RALYL: variants seen among roughly 807,000 people sequenced by gnomAD.
RALYL encodes the protein RALY RNA binding protein like.
A neutral mutation model predicts 35.1 loss-of-function variants in RALYL; 29 were observed. The ratio of observed to expected loss-of-function variants is 0.83; its 90% CI spans 0.61 to 1.13. The LOEUF (loss-of-function observed/expected upper bound fraction) is 1.13. Among genes scored for constraint, RALYL ranks in the 50% most tolerant of loss-of-function variants. RALYL has a pLI of 0.00. For missense variants in RALYL, 359 were observed against 360.4 expected, an observed-to-expected ratio of 1.00 and a Z score of 0.03; for synonymous variants, 120 against 127.6, an observed-to-expected ratio of 0.94 and a Z score of 0.40.
At chr8:84,321,229 C>T (rs1844746152) in intron 1 of RALYL, among the ~76,000 whole-genome samples, 1 of 152,126 alleles carries the variant, frequency 6.6e-6, no homozygotes, top group African/African-American at 2.4e-5. Flanking sequence ...TTTGCTTCAA[C>T]ATGTGAAGAA....
intron 1 of RALYL, among the ~76,000 whole-genome samples, chr8:84,266,250 T>C (rs975483483): frequency 2.6e-5 from 4 of 152,150 alleles, no homozygotes; most frequent in African/African-American, 9.7e-5. Context: ...TCCTCTCACC[T>C]TCAATGTATT....
intron 2 of RALYL, chr8:84,679,726 G>C (rs1834975822): frequency 7.7e-6 from 4 of 522,330 alleles, no homozygotes; most frequent in South Asian, 4.3e-5. Flanking sequence ...GCAATATTAA[G>C]TGCTGATGGC....
intron 1 of RALYL, among the ~76,000 whole-genome samples, chr8:84,465,199 G>A (rs1463999704): frequency 7.4e-6 from 1 of 134,278 alleles, no homozygotes; most frequent in Non-Finnish European, 1.6e-5. Flanking sequence ...TGGTGTTTTA[G>A]ACATGAAGTC....
At chr8:84,509,983 A>G (rs1299389260) in intron 1 of RALYL, among the ~76,000 whole-genome samples, 1 of 152,158 alleles carries the variant, frequency 6.6e-6, no homozygotes, top group African/African-American at 2.4e-5. Context: ...TAGGTTGCCC[A>G]TTCTGGGAAC....
At chr8:84,353,355 C>T (rs1851260321) in intron 1 of RALYL, among the ~76,000 whole-genome samples, 1 of 150,126 alleles carries the variant, frequency 6.7e-6, no homozygotes, top group African/African-American at 2.5e-5. Flanking sequence ...GCTTTTAAGC[C>T]CCCGTGGTAC....
chr8:84,867,031 G>A (rs1383649220), intron 6 of RALYL, among the ~76,000 whole-genome samples: 2 of 152,152 alleles, frequency 1.3e-5, no homozygotes, highest in African/African-American at 4.8e-5. Context: ...CACAATGATG[G>A]AGGCTGAAAG....
intron 2 of RALYL, among the ~76,000 whole-genome samples, chr8:84,669,333 A>G (rs1832724825): frequency 6.6e-6 from 1 of 152,036 alleles, no homozygotes; most frequent in African/African-American, 2.4e-5. Flanking sequence ...ATTTTGGAAC[A>G]CCCATGTGCT....
intron 2 of RALYL, among the ~76,000 whole-genome samples, chr8:84,634,805 T>C (rs2131291914): frequency 6.6e-6 from 1 of 151,882 alleles, no homozygotes; most frequent in African/African-American, 2.4e-5. Context: ...ACACGCTAAA[T>C]TGACAACCAC....
chr8:84,303,792 C>A (rs1293273440), intron 1 of RALYL, among the ~76,000 whole-genome samples: 3 of 152,150 alleles, frequency 2.0e-5, no homozygotes, highest in Non-Finnish European at 4.4e-5. Flanking sequence ...ATGCATGCCT[C>A]TATGATTTAT....
intron 2 of RALYL, among the ~76,000 whole-genome samples, chr8:84,739,151 T>G (rs1847842507): frequency 6.6e-6 from 1 of 152,054 alleles, no homozygotes; most frequent in Non-Finnish European, 1.5e-5. Context: ...TAGTTCCTAT[T>G]AAGAATTAAA....
intron 2 of RALYL, among the ~76,000 whole-genome samples, chr8:84,585,449 T>C (rs1811781496): frequency 6.6e-6 from 1 of 152,168 alleles, no homozygotes; most frequent in African/African-American, 2.4e-5. Context: ...ATTATGGGAA[T>C]CAGATAACTA....
chr8:84,759,789 C>CA (rs1812257555), intron 2 of RALYL, among the ~76,000 whole-genome samples: 1 of 152,082 alleles, frequency 6.6e-6, no homozygotes, highest in Non-Finnish European at 1.5e-5. Context: ...CTCTGTTGTC[C>CA]AAAATCTACT....
intron 2 of RALYL, among the ~76,000 whole-genome samples, chr8:84,621,285 A>G (rs763851929): frequency 6.6e-6 from 1 of 152,082 alleles, no homozygotes; most frequent in Non-Finnish European, 1.5e-5. Context: ...CAGGTGCAGG[A>G]TATAATCTCG....
intron 3 of RALYL, among the ~76,000 whole-genome samples, chr8:84,798,776 CA>C (rs906903960): frequency 6.6e-6 from 1 of 152,178 alleles, no homozygotes; most frequent in African/African-American, 2.4e-5. Context: ...TCTAGTCTTT[CA>C]AAAGCTTGTG....
chr8:84,723,433 G>A, intron 2 of RALYL, among the ~76,000 whole-genome samples: 1 of 151,972 alleles, frequency 6.6e-6, no homozygotes, highest in Admixed American at 6.6e-5. Flanking sequence ...CTTAAATTCA[G>A]TTGGGCAGAA....
intron 1 of RALYL, among the ~76,000 whole-genome samples, chr8:84,471,536 G>C (rs560964664): frequency 4.0e-4 from 61 of 151,984 alleles, no homozygotes; most frequent in African/African-American, 1.4e-3. Context: ...TGACAGCCTG[G>C]GTGACAGAGA....
chr8:84,295,824 C>A (rs572134175), intron 1 of RALYL, among the ~76,000 whole-genome samples: 2 of 152,256 alleles, frequency 1.3e-5, no homozygotes, highest in African/African-American at 4.8e-5. Context: ...TTATTCTCTA[C>A]AAATACTGTT....
chr8:84,234,963 C>T (rs1826184097), intron 1 of RALYL, among the ~76,000 whole-genome samples: 1 of 151,958 alleles, frequency 6.6e-6, no homozygotes, highest in African/African-American at 2.4e-5. Context: ...CGGAGTTTCA[C>T]TAAATTGGCC....
At chr8:84,853,081 C>CTGTT (rs1836221401) in intron 5 of RALYL, among the ~76,000 whole-genome samples, 1 of 152,180 alleles carries the variant, frequency 6.6e-6, no homozygotes, top group Non-Finnish European at 1.5e-5. Context: ...GGGCCTGAGT[C>CTGTT]TGTTTAGTAA....
Sources: gnomAD v4.1 joint callset for allele counts (sites outside exome capture counted in the v4.1 genomes callset) on GRCh38, gnomAD v4.1.1 for gene constraint, MANE v1.5 for transcripts, NCBI Gene and HGNC (gene_info 2026-07-23, HGNC 2026-07-21) for gene names.